Variants in FRS2 observed in about 807,000 individuals in gnomAD.
FRS2 encodes the protein fibroblast growth factor receptor substrate 2, also known as FGFR signalling adaptor.
Under a neutral mutation model 43.9 loss-of-function variants are expected in FRS2, and 8 were observed. The ratio of observed to expected loss-of-function variants is 0.18; its 90% CI spans 0.11 to 0.33. The LOEUF is 0.33. Among genes scored for constraint, FRS2 ranks in the 10% least tolerant of loss-of-function variants. The probability of loss-of-function intolerance (pLI) is 1.00; values close to 1 mark genes in which losing one functional copy is unlikely to be tolerated. For missense variants in FRS2, 534 were observed against 627.6 expected, an observed-to-expected ratio of 0.85 and a Z score of 1.59; for synonymous variants, 219 against 220.3, an observed-to-expected ratio of 0.99 and a Z score of 0.05.
chr12:69,498,449 A>C (rs930562539), intron 1 of FRS2, among the ~76,000 whole-genome samples: 1 of 151,816 alleles, frequency 6.6e-6, no homozygotes, highest in African/African-American at 2.4e-5. Context: ...CCTGCGGTTC[A>C]TGCGGCCCAG....
chr12:69,536,114 TTTTTTTTTTTTTTTTTTTTTTTTTTTTG>T (rs1487187036), intron 3 of FRS2, among the ~76,000 whole-genome samples: 27 of 48,050 alleles, frequency 5.6e-4, no homozygotes, highest in East Asian at 3.8e-3. Flanking sequence ...TTTTTTTTTT[TTTTTTTTTTTTTTTTTTTTTTTTTTTTG>T]GAGACGAAGT....
chr12:69,555,566 G>A (rs777800582), intron 3 of FRS2, among the ~76,000 whole-genome samples: 4 of 152,174 alleles, frequency 2.6e-5, no homozygotes, highest in Non-Finnish European at 4.4e-5. Flanking sequence ...GGTTTGAACC[G>A]TATGGATCCA....
intron 3 of FRS2, among the ~76,000 whole-genome samples, chr12:69,546,430 G>A (rs985718885): frequency 6.6e-6 from 1 of 152,076 alleles, no homozygotes; most frequent in Non-Finnish European, 1.5e-5. Flanking sequence ...GCTAATTTTT[G>A]TATTTTTATT....
In FRS2 at chr12:69,574,028, A is replaced by AT; in HGVS notation, c.600_601insT (p.Gly201TrpfsTer22). On this transcript the variant is annotated frameshift_variant, in exon 9 of 9. Coordinates refer to ENST00000549921, the MANE Select transcript of FRS2 (RefSeq NM_001278356.2). LOFTEE classifies it high-confidence loss of function. The stretch of plus-strand genomic sequence containing the variant: ...AGGTACATACCTATGTCAACACTAC[A>AT]GGTGTGCAAGAAGAGCGGAAAAACC... The AT allele has an allele frequency of 6.2e-7, 1 of 1,613,024 alleles. No individual in the cohort carries two copies. Among genetic ancestry groups the AT allele is most frequent in the Non-Finnish European group, 8.5e-7 (1 of 1,179,510 alleles).
intron 3 of FRS2, among the ~76,000 whole-genome samples, chr12:69,533,767 A>G (rs1343119882): frequency 6.6e-6 from 1 of 152,126 alleles, no homozygotes; most frequent in Non-Finnish European, 1.5e-5. Flanking sequence ...TGTTTTTCAG[A>G]ATATAGTAAT....
chr12:69,505,746 G>A (rs965734152), intron 1 of FRS2, among the ~76,000 whole-genome samples: 10 of 152,194 alleles, frequency 6.6e-5, no homozygotes, highest in Non-Finnish European at 1.3e-4. Flanking sequence ...TGTAGTGGAG[G>A]AAAAGTCTAC....
intron 3 of FRS2, 41 bp downstream of exon 3, chr12:69,532,097 A>G (rs368559229): frequency 3.9e-5 from 6 of 152,696 alleles, no homozygotes; most frequent in African/African-American, 1.4e-4. Flanking sequence ...AATATTGTTG[A>G]GTAAGGCTTA....
At chr12:69,541,186 G>T (rs769334730) in intron 3 of FRS2, among the ~76,000 whole-genome samples, 2 of 151,954 alleles carry the variant, frequency 1.3e-5, no homozygotes, top group Non-Finnish European at 2.9e-5. Flanking sequence ...ATATTTCCCC[G>T]GGAGCAACCC....
At chr12:69,494,182 A>G (rs1019411296) in intron 1 of FRS2, among the ~76,000 whole-genome samples, 3 of 152,246 alleles carry the variant, frequency 2.0e-5, no homozygotes, top group African/African-American at 7.2e-5. Context: ...TACAAAGTCC[A>G]ATAAGGTAAG....
chr12:69,505,663 G>A (rs1386005838), intron 1 of FRS2, among the ~76,000 whole-genome samples: 5 of 152,174 alleles, frequency 3.3e-5, no homozygotes, highest in Non-Finnish European at 5.9e-5. Context: ...TCCAATTTGA[G>A]ATTGGGTACA....
Position 69,511,942 on chromosome 12 carries a change from TTCAG to T in FRS2, c.-260-18916_-260-18913del, listed in dbSNP as rs1349995570. Among the ~76,000 whole-genome samples, 4 of 152,336 alleles carry T rather than the reference TTCAG, an allele frequency of 2.6e-5. No homozygotes were observed. In the East Asian group the frequency reaches 7.7e-4, roughly 29 times the overall value. The stretch of plus-strand genomic sequence containing the variant: ...TAATGAGTTTTCTCTGCAGCTTTTG[TTCAG>T]TCAGTCTCAACCAGGGATGACAGTG... On this transcript the variant is annotated intron_variant, in intron 1 of 8. Transcript: ENST00000549921.
At chr12:69,565,495 CTT>C (rs761647276) in intron 4 of FRS2, among the ~76,000 whole-genome samples, 74 of 152,264 alleles carry the variant, frequency 4.9e-4, no homozygotes, top group Non-Finnish European at 2.6e-4. Flanking sequence ...TTTTGACTCT[CTT>C]ATAATATTTA....
intron 1 of FRS2, chr12:69,491,563 C>T (rs1449262756): frequency 7.9e-6 from 1 of 126,936 alleles, no homozygotes; most frequent in African/African-American, 3.0e-5. Context: ...TGCAGTGTCA[C>T]AATCATAGCT....
chr12:69,534,604 A>C (rs1251389163), intron 3 of FRS2, among the ~76,000 whole-genome samples: 1 of 152,208 alleles, frequency 6.6e-6, no homozygotes, highest in Non-Finnish European at 1.5e-5. Flanking sequence ...TTGGAGAAGA[A>C]TGCAGCTGAG....
chr12:69,536,025 T>A (rs1458193412), intron 3 of FRS2, among the ~76,000 whole-genome samples: 3 of 151,462 alleles, frequency 2.0e-5, no homozygotes, highest in Non-Finnish European at 2.9e-5. Flanking sequence ...AGTTTTTTTT[T>A]AATTGTTGTT....
chr12:69,475,036 A>G (rs1268955604), intron 1 of FRS2, among the ~76,000 whole-genome samples: 2 of 128,678 alleles, frequency 1.6e-5, no homozygotes, highest in Non-Finnish European at 3.3e-5. Flanking sequence ...ATTATATGAT[A>G]ACACATATGA....
At chr12:69,511,906 CTT>C (rs1479015126) in intron 1 of FRS2, among the ~76,000 whole-genome samples, 1 of 152,148 alleles carries the variant, frequency 6.6e-6, no homozygotes, top group African/African-American at 2.4e-5. Flanking sequence ...TCTCTATACT[CTT>C]TATCTGTTTA....
chr12:69,554,560 C>T (rs1425343212), intron 3 of FRS2, among the ~76,000 whole-genome samples: 2 of 152,212 alleles, frequency 1.3e-5, no homozygotes, highest in South Asian at 4.1e-4. Flanking sequence ...TAACATCTTA[C>T]ATAACCGTGA....
chr12:69,552,248 G>A (rs557660741), intron 3 of FRS2, among the ~76,000 whole-genome samples: 1 of 123,000 alleles, frequency 8.1e-6, no homozygotes, highest in Admixed American at 1.1e-4. Flanking sequence ...GTTGCAGTGA[G>A]CCAAGATCAT....
Sources: gnomAD v4.1 joint callset for allele counts (sites outside exome capture counted in the v4.1 genomes callset) on GRCh38, gnomAD v4.1.1 for gene constraint, MANE v1.5 for transcripts, NCBI Gene and HGNC (gene_info 2026-07-23, HGNC 2026-07-21) for gene names.